The following WWC1 variants were observed in gnomAD, a reference collection of about 807,000 sequenced individuals.
The protein encoded by WWC1 is WW and C2 domain containing 1.
WWC1 carries 55 observed loss-of-function variants against 138.4 expected under a neutral mutation model. That is an observed-to-expected ratio of 0.40 (90% CI 0.32 to 0.50). The LOEUF (loss-of-function observed/expected upper bound fraction) is 0.50. Ranked by LOEUF, WWC1 falls within the 20% of genes least tolerant of loss-of-function variation. The pLI, the probability that WWC1 is intolerant of heterozygous loss-of-function variation, is 0.72. For missense variants in WWC1, 1,226 were observed against 1,420.4 expected, an observed-to-expected ratio of 0.86 and a Z score of 2.20; for synonymous variants, 524 against 564.9, an observed-to-expected ratio of 0.93 and a Z score of 1.03.
chr5:168,353,441 C>T (rs1324102085), intron 1 of WWC1, among the ~76,000 whole-genome samples: 1 of 152,242 alleles, frequency 6.6e-6, no homozygotes, highest in African/African-American at 2.4e-5. Flanking sequence ...ACAGCCCTGC[C>T]CCTGGCATCA....
chr5:168,420,975 A>G (rs889076434), intron 9 of WWC1, among the ~76,000 whole-genome samples: 4 of 152,136 alleles, frequency 2.6e-5, no homozygotes, highest in Non-Finnish European at 4.4e-5. Flanking sequence ...ACTGCTGTCC[A>G]TTATCCATCC....
chr5:168,397,855 G>A (rs972890289), intron 4 of WWC1, 55 bp downstream of exon 4: 218 of 1,597,442 alleles, frequency 1.4e-4, no homozygotes, highest in Non-Finnish European at 1.6e-4. Flanking sequence ...TGAGGTCTTA[G>A]GCCACAAGCC....
intron 1 of WWC1, among the ~76,000 whole-genome samples, chr5:168,329,063 GTTGGTCTTGCCC>G (rs1314595002): frequency 6.6e-6 from 1 of 152,210 alleles, no homozygotes. Context: ...GTCCTGATAA[GTTGGTCTTGCCC>G]CATGGCTCCC....
chr5:168,368,369 C>A (rs1267560209), intron 1 of WWC1, among the ~76,000 whole-genome samples: 2 of 152,190 alleles, frequency 1.3e-5, no homozygotes, highest in Non-Finnish European at 2.9e-5. Context: ...AGCTTGGATG[C>A]ACCACTGATT....
At chr5:168,354,259 C>T (rs1042151307) in intron 1 of WWC1, among the ~76,000 whole-genome samples, 1 of 152,138 alleles carries the variant, frequency 6.6e-6, no homozygotes, top group Non-Finnish European at 1.5e-5. Flanking sequence ...CCATGTTGGT[C>T]AGGCTGGTCT....
intron 22 of WWC1, among the ~76,000 whole-genome samples, chr5:168,468,281 A>G (rs923009071): frequency 4.6e-5 from 7 of 152,140 alleles, no homozygotes; most frequent in Non-Finnish European, 8.8e-5. Flanking sequence ...CTGAATGATA[A>G]ATAAACCTAG....
intron 1 of WWC1, among the ~76,000 whole-genome samples, chr5:168,350,947 A>C (rs1159371934): frequency 6.6e-6 from 1 of 152,034 alleles, no homozygotes; most frequent in African/African-American, 2.4e-5. Flanking sequence ...GGAGTTCAAG[A>C]CCATCCTGGC....
chr5:168,320,924 G>A (rs1413083776), intron 1 of WWC1, among the ~76,000 whole-genome samples: 1 of 152,194 alleles, frequency 6.6e-6, no homozygotes, highest in Non-Finnish European at 1.5e-5. Context: ...GAGCGGAAAG[G>A]TAGCTGCTAT....
chr5:168,407,359 G>T (rs17633160), intron 6 of WWC1, among the ~76,000 whole-genome samples: 1 of 152,042 alleles, frequency 6.6e-6, no homozygotes, highest in East Asian at 1.9e-4. Flanking sequence ...AAGCTAGAGC[G>T]GTGATTCAAA....
At chr5:168,390,595 T>G (rs1778408998) in intron 3 of WWC1, among the ~76,000 whole-genome samples, 1 of 152,228 alleles carries the variant, frequency 6.6e-6, no homozygotes, top group Non-Finnish European at 1.5e-5. Flanking sequence ...TCATCATGAC[T>G]CTGTCTTCAA....
At chr5:168,320,728 G>A (rs1025590577) in intron 1 of WWC1, among the ~76,000 whole-genome samples, 61 of 152,112 alleles carry the variant, frequency 4.0e-4, no homozygotes, top group African/African-American at 1.4e-3. Flanking sequence ...CAAAGGCCTT[G>A]GGAGGCTGAA....
chr5:168,358,113 C>T (rs1050047704), intron 1 of WWC1, among the ~76,000 whole-genome samples: 3 of 152,204 alleles, frequency 2.0e-5, no homozygotes, highest in Non-Finnish European at 4.4e-5. Flanking sequence ...TCAGCTGCAG[C>T]ATCCGGAACA....
chr5:168,465,548 C>CTTTTT (rs10527141), intron 21 of WWC1, among the ~76,000 whole-genome samples: 891 of 46,950 alleles, frequency 0.019, 419 homozygotes, highest in African/African-American at 0.054. Flanking sequence ...ATCAGCTGGG[C>CTTTTT]TTTTTTTTTT....
At chr5:168,380,852 G>A (rs1245407652) in intron 2 of WWC1, among the ~76,000 whole-genome samples, 1 of 152,152 alleles carries the variant, frequency 6.6e-6, no homozygotes, top group African/African-American at 2.4e-5. Flanking sequence ...ATAGGAATGA[G>A]TCTCAAAAAC....
chr5:168,421,296 C>T (rs1236132765), intron 9 of WWC1, among the ~76,000 whole-genome samples: 1 of 152,180 alleles, frequency 6.6e-6, no homozygotes, highest in African/African-American at 2.4e-5. Flanking sequence ...ACAGGGAAGG[C>T]TGGGAAAATG....
intron 11 of WWC1, among the ~76,000 whole-genome samples, chr5:168,426,824 G>A (rs1229242276): frequency 2.6e-5 from 4 of 152,264 alleles, no homozygotes; most frequent in African/African-American, 9.6e-5. Flanking sequence ...GTGCTCAGAG[G>A]TGTTAGCTGT....
intron 20 of WWC1, among the ~76,000 whole-genome samples, chr5:168,462,704 G>T (rs1490286169): frequency 6.6e-6 from 1 of 152,204 alleles, no homozygotes; most frequent in Non-Finnish European, 1.5e-5. Context: ...CCCCGATGGT[G>T]GGTCTGAGCC....
chr5:168,439,100 A>C (rs1754517915), intron 15 of WWC1, among the ~76,000 whole-genome samples: 1 of 152,142 alleles, frequency 6.6e-6, no homozygotes, highest in South Asian at 2.1e-4. Context: ...CAATATGTAG[A>C]TAGACTATAG....
intron 8 of WWC1, chr5:168,414,043 C>T (rs1780408590): frequency 9.2e-6 from 3 of 326,794 alleles, no homozygotes; most frequent in Admixed American, 9.3e-5. Flanking sequence ...CAAGGCCACA[C>T]AGCCAGTGCT....
Sources: allele counts gnomAD v4.1 joint callset (sites outside exome capture counted in the v4.1 genomes callset), GRCh38; gene constraint gnomAD v4.1.1; transcripts MANE v1.5; gene names NCBI Gene and HGNC (gene_info 2026-07-23, HGNC 2026-07-21).